Variants in INSC observed in about 807,000 individuals in gnomAD.
The protein encoded by INSC is protein inscuteable homolog.
Under a neutral mutation model 58.6 loss-of-function variants are expected in INSC, and 67 were observed. The observed-to-expected ratio is 1.14, with a 90% CI of 0.94 to 1.40. The LOEUF (loss-of-function observed/expected upper bound fraction) is 1.40. Ranked by LOEUF, INSC falls within the 40% of genes most tolerant of loss-of-function variation. The pLI, the probability that INSC is intolerant of heterozygous loss-of-function variation, is 0.00. For missense variants in INSC, 714 were observed against 692.0 expected, an observed-to-expected ratio of 1.03 and a Z score of -0.36; for synonymous variants, 262 against 276.1, an observed-to-expected ratio of 0.95 and a Z score of 0.51.
intron 5 of INSC, among the ~76,000 whole-genome samples, chr11:15,180,402 A>G (rs1849728896): frequency 1.3e-5 from 2 of 152,110 alleles, no homozygotes; most frequent in Admixed American, 1.3e-4. Flanking sequence ...GGTATCTTTG[A>G]TGCTTTAGGT....
chr11:15,112,903 G>A (rs1039692449), upstream of INSC, among the ~76,000 whole-genome samples: 2 of 152,110 alleles, frequency 1.3e-5, no homozygotes, highest in African/African-American at 2.4e-5. Flanking sequence ...GCTGGGCAGA[G>A]ATTTTTATGT....
intron 3 of INSC, among the ~76,000 whole-genome samples, chr11:15,176,653 C>G (rs74429162): frequency 0.015 from 2,230 of 152,142 alleles, 75 homozygotes; most frequent in African/African-American, 0.051. Flanking sequence ...TAAGTAGGGT[C>G]CAATCTAAGC....
intron 9 of INSC, among the ~76,000 whole-genome samples, chr11:15,228,708 G>A (rs1188723094): frequency 6.6e-6 from 1 of 152,162 alleles, no homozygotes; most frequent in Admixed American, 6.5e-5. Context: ...AATGCTGTGT[G>A]GAGCCTCTTG....
At chr11:15,161,766 G>A (rs1032400849) in intron 2 of INSC, among the ~76,000 whole-genome samples, 3 of 152,216 alleles carry the variant, frequency 2.0e-5, no homozygotes, top group African/African-American at 7.2e-5. Context: ...GGCCTATGCT[G>A]ATGCAGCTCA....
At chr11:15,207,288 T>C (rs1331422681) in intron 7 of INSC, among the ~76,000 whole-genome samples, 1 of 152,156 alleles carries the variant, frequency 6.6e-6, no homozygotes, top group Admixed American at 6.5e-5. Context: ...AAAGCATCCT[T>C]TTATTCTCAC....
chr11:15,241,734 T>C, intron 12 of INSC: 2 of 633,668 alleles, frequency 3.2e-6, no homozygotes, highest in South Asian at 3.7e-5. Context: ...AAAAGTAAAA[T>C]ATATAGAATT....
intron 7 of INSC, 45 bp downstream of exon 7, chr11:15,200,994 T>C: frequency 6.4e-7 from 1 of 1,558,836 alleles, no homozygotes; most frequent in East Asian, 2.4e-5. Flanking sequence ...TCAAGCCAGG[T>C]AGGGGTGAGG....
intron 9 of INSC, among the ~76,000 whole-genome samples, chr11:15,234,050 G>A (rs1366093242): frequency 1.3e-5 from 2 of 152,178 alleles, no homozygotes; most frequent in Non-Finnish European, 2.9e-5. Flanking sequence ...ACGTAAAAGA[G>A]CCTCTAAGTC....
chr11:15,170,037 A>G (rs891716531), intron 2 of INSC, among the ~76,000 whole-genome samples: 1 of 152,228 alleles, frequency 6.6e-6, no homozygotes, highest in Non-Finnish European at 1.5e-5. Flanking sequence ...ATACTTGCAT[A>G]TAAGCTACAC....
At chr11:15,261,848 C>T in the INSC span, among the ~76,000 whole-genome samples, 6 of 152,118 alleles carry the variant, frequency 3.9e-5, no homozygotes, top group Non-Finnish European at 7.4e-5. Flanking sequence ...ATCTAATCCA[C>T]TTGTATACTT....
At chr11:15,261,300 C>T in the INSC span, among the ~76,000 whole-genome samples, 2 of 152,086 alleles carry the variant, frequency 1.3e-5, no homozygotes, top group African/African-American at 4.8e-5. Context: ...CTTTCTATAC[C>T]CCATACTAGC....
At chr11:15,215,500 G>A (rs1315634703) in intron 7 of INSC, among the ~76,000 whole-genome samples, 3 of 152,188 alleles carry the variant, frequency 2.0e-5, no homozygotes, top group Non-Finnish European at 4.4e-5. Context: ...CCCCAATGAG[G>A]GAGGCATGGG....
upstream of INSC, among the ~76,000 whole-genome samples, chr11:15,114,358 G>A (rs1156938466): frequency 1.3e-5 from 2 of 152,122 alleles, no homozygotes; most frequent in African/African-American, 2.4e-5. Context: ...GGTGACTTAG[G>A]TGTGTGTGAG....
At chr11:15,165,927 C>T (rs943416254) in intron 2 of INSC, among the ~76,000 whole-genome samples, 2 of 152,030 alleles carry the variant, frequency 1.3e-5, no homozygotes, top group East Asian at 3.9e-4. Flanking sequence ...TGCACTTGAG[C>T]GAGCCTCATG....
chr11:15,133,733 A>C (rs989447032), intron 1 of INSC, among the ~76,000 whole-genome samples: 2 of 151,278 alleles, frequency 1.3e-5, no homozygotes, highest in Admixed American at 6.6e-5. Flanking sequence ...ACAACAAAAA[A>C]CTCCCTTGAA....
intron 12 of INSC, among the ~76,000 whole-genome samples, chr11:15,241,253 C>T (rs1025483049): frequency 6.6e-6 from 1 of 152,172 alleles, no homozygotes; most frequent in African/African-American, 2.4e-5. Flanking sequence ...ATAAACACAA[C>T]CCTTAACTTC....
chr11:15,140,098 G>T (rs1159512109), intron 1 of INSC, among the ~76,000 whole-genome samples: 1 of 152,084 alleles, frequency 6.6e-6, no homozygotes, highest in East Asian at 1.9e-4. Flanking sequence ...TCCTTCGGGG[G>T]TGCTGCTTGG....
chr11:15,220,659 T>G (rs1205202718), intron 7 of INSC, among the ~76,000 whole-genome samples: 1 of 152,182 alleles, frequency 6.6e-6, no homozygotes, highest in African/African-American at 2.4e-5. Flanking sequence ...AATACTGACC[T>G]CAGAGGGTTA....
At chr11:15,193,808 G>GT (rs767730452) in intron 6 of INSC, among the ~76,000 whole-genome samples, 2 of 152,196 alleles carry the variant, frequency 1.3e-5, no homozygotes, top group Non-Finnish European at 2.9e-5. Flanking sequence ...TATATACCCA[G>GT]TAATGGGATG....
Sources: allele counts gnomAD v4.1 joint callset (sites outside exome capture counted in the v4.1 genomes callset), GRCh38; gene constraint gnomAD v4.1.1; transcripts MANE v1.5; gene names NCBI Gene and HGNC (gene_info 2026-07-23, HGNC 2026-07-21).